Variants in POU6F2 observed in about 807,000 individuals in gnomAD.
POU6F2 encodes POU domain, class 6, transcription factor 2.
POU6F2 carries 31 observed loss-of-function variants against 71.3 expected under a neutral mutation model. The observed-to-expected ratio is 0.43, with a 90% CI of 0.33 to 0.59. POU6F2 has a LOEUF of 0.59. POU6F2 is among the 20% of genes least tolerant of loss of function. POU6F2 has a pLI of 0.04. For synonymous variants in POU6F2, 347 were observed against 355.7 expected (o/e 0.98, Z 0.27); for missense variants, 783 against 856.8 (o/e 0.91, Z 1.07).
intron 1 of POU6F2, among the ~76,000 whole-genome samples, chr7:39,058,440 C>A (rs1445357585): frequency 6.6e-6 from 1 of 152,122 alleles, no homozygotes; most frequent in Non-Finnish European, 1.5e-5. Flanking sequence ...TGCAGAGGGT[C>A]CCATTTTGGG....
At chr7:39,132,454 G>C (rs976054528) in intron 2 of POU6F2, 1 of 152,180 alleles carries the variant, frequency 6.6e-6, no homozygotes, top group African/African-American at 2.4e-5. Context: ...TGCATCATTT[G>C]TGGTTGAGCT....
chr7:39,160,263 A>G (rs1792966752), intron 2 of POU6F2, among the ~76,000 whole-genome samples: 1 of 152,206 alleles, frequency 6.6e-6, no homozygotes, highest in East Asian at 1.9e-4. Flanking sequence ...GAAGACTGAG[A>G]ACAGCCAAAT....
chr7:39,335,502 A>C (rs1042183187), intron 4 of POU6F2, among the ~76,000 whole-genome samples: 2 of 152,164 alleles, frequency 1.3e-5, no homozygotes, highest in Non-Finnish European at 2.9e-5. Context: ...TTCTGTGGTC[A>C]AACCCTTAGG....
chr7:39,337,833 C>T (rs1785812192), intron 4 of POU6F2, among the ~76,000 whole-genome samples: 1 of 152,028 alleles, frequency 6.6e-6, no homozygotes, highest in Non-Finnish European at 1.5e-5. Flanking sequence ...TATGCCTTTC[C>T]AGTCAAGCTG....
chr7:39,073,653 TA>T (rs1353001054), intron 1 of POU6F2, among the ~76,000 whole-genome samples: 1 of 152,228 alleles, frequency 6.6e-6, no homozygotes, highest in Non-Finnish European at 1.5e-5. Flanking sequence ...CGCAGCCGTG[TA>T]CAGACCCAAG....
chr7:38,995,393 A>G (rs1030126788), intron 1 of POU6F2, among the ~76,000 whole-genome samples: 1 of 152,218 alleles, frequency 6.6e-6, no homozygotes, highest in African/African-American at 2.4e-5. Context: ...TGGTTAAGAG[A>G]GGACTGAAAA....
chr7:38,998,910 C>T (rs531356180), intron 1 of POU6F2, among the ~76,000 whole-genome samples: 6 of 151,512 alleles, frequency 4.0e-5, no homozygotes, highest in Non-Finnish European at 5.9e-5. Flanking sequence ...ATGATCCGCC[C>T]GCCTCGGCCT....
chr7:39,295,950 T>C (rs1050498870), intron 4 of POU6F2, among the ~76,000 whole-genome samples: 1 of 152,206 alleles, frequency 6.6e-6, no homozygotes, highest in African/African-American at 2.4e-5. Flanking sequence ...CTTCACACTT[T>C]AGCAGAAATT....
rs558999168 is a variant in POU6F2 at position 39,354,446 on chromosome 7, TAA to T, written c.972+14433_972+14434del. ...AACTAGGACATGGATTGAAATAATC[TAA>T]AGTGTCACAAGAGAGGAAGAAGAAA... On this transcript the variant is annotated intron_variant, in intron 5 of 9. Transcript: ENST00000518318. Among the ~76,000 whole-genome samples, 632 of 152,308 alleles carry T rather than the reference TAA, an allele frequency of 4.1e-3. 4 individuals are homozygous for T. Among genetic ancestry groups the T allele is most frequent in the African/African-American group, 0.014 (578 of 41,562 alleles).
chr7:39,286,380 A>G (rs979372783), intron 4 of POU6F2, among the ~76,000 whole-genome samples: 146 of 152,186 alleles, frequency 9.6e-4, no homozygotes, highest in Non-Finnish European at 7.6e-4. Flanking sequence ...CAGTACTTAT[A>G]TAATATTATT....
chr7:39,181,885 T>C (rs1405580912), intron 2 of POU6F2, among the ~76,000 whole-genome samples: 2 of 152,210 alleles, frequency 1.3e-5, no homozygotes, highest in Admixed American at 6.5e-5. Context: ...CAACTTATCA[T>C]GTGAGCTCTC....
chr7:39,169,073 T>C (rs1793166872), intron 2 of POU6F2, among the ~76,000 whole-genome samples: 1 of 152,240 alleles, frequency 6.6e-6, no homozygotes, highest in South Asian at 2.1e-4. Flanking sequence ...AACTGAGTTG[T>C]ACATTTTGAT....
chr7:39,064,249 G>A (rs1368525736), intron 1 of POU6F2, among the ~76,000 whole-genome samples: 1 of 151,934 alleles, frequency 6.6e-6, no homozygotes, highest in South Asian at 2.1e-4. Flanking sequence ...CTTAGAATGA[G>A]ATGTGTGTTG....
intron 7 of POU6F2, among the ~76,000 whole-genome samples, chr7:39,439,228 C>T (rs991385092): frequency 6.6e-6 from 1 of 151,780 alleles, no homozygotes; most frequent in Non-Finnish European, 1.5e-5. Flanking sequence ...TTCTTCCATC[C>T]CTTTATTTTG....
intron 4 of POU6F2, among the ~76,000 whole-genome samples, chr7:39,283,286 A>G (rs1393740639): frequency 6.6e-6 from 1 of 151,930 alleles, no homozygotes; most frequent in Non-Finnish European, 1.5e-5. Flanking sequence ...TCTCTTTCCC[A>G]ATTACTAATC....
At chr7:39,080,074 CA>C (rs1791085563) in intron 1 of POU6F2, among the ~76,000 whole-genome samples, 1 of 151,782 alleles carries the variant, frequency 6.6e-6, no homozygotes, top group Non-Finnish European at 1.5e-5. Flanking sequence ...ATACTTACGT[CA>C]ATAAAAAACA....
chr7:39,366,334 A>G (rs1270759896), intron 5 of POU6F2, among the ~76,000 whole-genome samples: 1 of 152,152 alleles, frequency 6.6e-6, no homozygotes, highest in Non-Finnish European at 1.5e-5. Flanking sequence ...AGACCACAGT[A>G]TTGGAAGGAG....
At chr7:39,052,409 C>A (rs1205100988) in intron 1 of POU6F2, among the ~76,000 whole-genome samples, 1 of 152,020 alleles carries the variant, frequency 6.6e-6, no homozygotes, top group South Asian at 2.1e-4. Flanking sequence ...GGAGAGGCCT[C>A]AGGAAGCTTA....
chr7:39,064,345 A>G (rs976281736), intron 1 of POU6F2, among the ~76,000 whole-genome samples: 8 of 151,910 alleles, frequency 5.3e-5, no homozygotes, highest in Admixed American at 2.6e-4. Context: ...TATATTCTCA[A>G]CTATGAGAGT....
Sources: gnomAD v4.1 joint callset for allele counts (sites outside exome capture counted in the v4.1 genomes callset) on GRCh38, gnomAD v4.1.1 for gene constraint, MANE v1.5 for transcripts, NCBI Gene and HGNC (gene_info 2026-07-23, HGNC 2026-07-21) for gene names.